Variants in ST7 observed in about 807,000 individuals in gnomAD.
ST7 encodes the protein suppressor of tumorigenicity 7 protein.
In ST7, 28 loss-of-function variants were observed where a neutral mutation model predicts 78.7. The observed-to-expected ratio is 0.36, with a 90% CI of 0.26 to 0.49. ST7 has a LOEUF of 0.49. Among genes scored for constraint, ST7 ranks in the 20% least tolerant of loss-of-function variants. The pLI is 0.99. For synonymous variants in ST7, 247 were observed against 249.6 expected, an observed-to-expected ratio of 0.99 and a Z score of 0.10; for missense variants, 418 against 696.0, an observed-to-expected ratio of 0.60 and a Z score of 4.49.
chr7:117,016,027 C>T (rs956968056), intron 1 of ST7, among the ~76,000 whole-genome samples: 1 of 152,094 alleles, frequency 6.6e-6, no homozygotes, highest in African/African-American at 2.4e-5. Context: ...TGAAATTGCT[C>T]ATTTAAAATA....
intron 1 of ST7, chr7:117,073,806 A>G (rs1015330855): frequency 6.6e-6 from 1 of 152,234 alleles, no homozygotes; most frequent in East Asian, 1.9e-4. Context: ...CAAATACACA[A>G]ATAAAATACA....
rs551978012 is a variant in ST7 at position 117,213,143 on chromosome 7, A to C, written c.1405+3206A>C. On this transcript the variant is annotated intron_variant, in intron 13 of 15. Transcript: ENST00000323984. ...CCTCTCAGGTCCGCTGGCCATGCAT[A>C]GGAAGCCTGTGCAGGAGCAAAGGAG... Among the ~76,000 whole-genome samples the C allele has an allele frequency of 3.7e-4, 57 of 152,356 alleles. 1 individual carries two copies. In the South Asian group the frequency reaches 0.012, roughly 31 times the overall value.
chr7:117,130,717 AT>A, intron 5 of ST7, 111 bp downstream of exon 5: 1 of 667,820 alleles, frequency 1.5e-6, no homozygotes, highest in Non-Finnish European at 2.4e-6. Context: ...AAAATATTAA[AT>A]TGTTGATTGA....
At chr7:117,159,928 G>A (rs1022997304) in intron 9 of ST7, among the ~76,000 whole-genome samples, 26 of 151,612 alleles carry the variant, frequency 1.7e-4, no homozygotes, top group Non-Finnish European at 3.7e-4. Context: ...CAAGCCAGGC[G>A]CGGTAGCTCA....
intron 1 of ST7, among the ~76,000 whole-genome samples, chr7:117,074,248 A>C (rs1287567599): frequency 6.6e-6 from 1 of 152,070 alleles, no homozygotes; most frequent in Non-Finnish European, 1.5e-5. Context: ...AAAATTAGCC[A>C]GGTGTGGTGG....
At chr7:117,166,685 C>T (rs1395204960) in intron 9 of ST7, among the ~76,000 whole-genome samples, 1 of 151,780 alleles carries the variant, frequency 6.6e-6, no homozygotes, top group Non-Finnish European at 1.5e-5. Flanking sequence ...GTCAGGAGAT[C>T]GAGACCATCC....
rs539966154 is a variant in ST7, at chr7:117,171,101, C to A, written c.1078+125C>A. 5.3e-5 allele frequency: 26 copies of A among 488,694 alleles called. 1 individual carries two copies. In the South Asian group the frequency reaches 1.1e-3, roughly 21 times the overall value. The allele number at this position is 488,694 out of a possible 1,614,324, so 30.3% of individuals were successfully genotyped here. The stretch of plus-strand genomic sequence containing the variant: ...TAGCCATACTCTTATAGAATTTTCA[C>A]CTACAGTTTTATGATGGTGTTTGGT... On this transcript the variant is annotated intron_variant, in intron 10 of 15. Coordinates refer to ENST00000323984, the MANE Select transcript of ST7 (RefSeq NM_001369598.1).
intron 9 of ST7, among the ~76,000 whole-genome samples, chr7:117,157,467 A>C (rs542564337): frequency 3.4e-4 from 52 of 151,976 alleles, no homozygotes; most frequent in Non-Finnish European, 6.8e-4. Flanking sequence ...GATGAATGTC[A>C]GAGGTTGGAG....
chr7:117,058,554 A>G (rs1798184485), intron 1 of ST7, among the ~76,000 whole-genome samples: 1 of 152,214 alleles, frequency 6.6e-6, no homozygotes, highest in African/African-American at 2.4e-5. Flanking sequence ...CATAATTCTT[A>G]AGAGGAAGCC....
At chr7:117,066,307 G>A (rs1449615737) in intron 1 of ST7, among the ~76,000 whole-genome samples, 1 of 152,116 alleles carries the variant, frequency 6.6e-6, no homozygotes, top group Non-Finnish European at 1.5e-5. Context: ...ATAAACTCTG[G>A]GAAATAGACC....
chr7:117,130,090 A>T (rs182176081), intron 4 of ST7, among the ~76,000 whole-genome samples: 3 of 151,936 alleles, frequency 2.0e-5, no homozygotes. Context: ...TCTTTTCAAT[A>T]TATACTATAC....
chr7:117,125,764 TA>T (rs1439760613), intron 3 of ST7, among the ~76,000 whole-genome samples: 4 of 152,086 alleles, frequency 2.6e-5, no homozygotes, highest in African/African-American at 9.7e-5. Context: ...CTAAAGTGTT[TA>T]AAAGTGTTAA....
At chr7:117,159,551 G>T (rs536143706) in intron 9 of ST7, among the ~76,000 whole-genome samples, 1 of 152,200 alleles carries the variant, frequency 6.6e-6, no homozygotes, top group Non-Finnish European at 1.5e-5. Context: ...GATTTATTTA[G>T]AATGACTTAG....
chr7:117,164,958 G>A (rs1183948051), intron 9 of ST7, among the ~76,000 whole-genome samples: 1 of 152,098 alleles, frequency 6.6e-6, no homozygotes, highest in African/African-American at 2.4e-5. Flanking sequence ...ACTTTAGGAG[G>A]TGGCATTTGA....
At chr7:117,165,560 AAAG>A (rs1480798995) in intron 9 of ST7, among the ~76,000 whole-genome samples, 2 of 152,184 alleles carry the variant, frequency 1.3e-5, no homozygotes, top group Admixed American at 6.5e-5. Context: ...AAGCCTTTAA[AAAG>A]TATTCCAGTC....
chr7:116,993,726 A>T (rs1043163722), intron 1 of ST7, among the ~76,000 whole-genome samples: 1 of 152,270 alleles, frequency 6.6e-6, no homozygotes, highest in African/African-American at 2.4e-5. Flanking sequence ...AATAGATACC[A>T]GAGCTAGGGG....
chr7:117,097,908 A>ATATATATATTTTT, intron 1 of ST7, among the ~76,000 whole-genome samples: 20 of 30,010 alleles, frequency 6.7e-4, no homozygotes, highest in African/African-American at 3.2e-3. Flanking sequence ...ATATATATAT[A>ATATATATATTTTT]TTTTTTTTTT....
intron 2 of ST7, among the ~76,000 whole-genome samples, chr7:117,102,867 G>A (rs1372082872): frequency 2.0e-5 from 3 of 151,956 alleles, no homozygotes; most frequent in Non-Finnish European, 4.4e-5. Context: ...ACTGATAAAC[G>A]AATTCAATAA....
intron 1 of ST7, among the ~76,000 whole-genome samples, chr7:117,030,369 A>G (rs934961001): frequency 2.0e-5 from 3 of 152,186 alleles, no homozygotes; most frequent in African/African-American, 7.2e-5. Context: ...ATTTGGAGGA[A>G]TTATTTGCAC....
Sources: gnomAD v4.1 joint callset for allele counts (sites outside exome capture counted in the v4.1 genomes callset) on GRCh38, gnomAD v4.1.1 for gene constraint, MANE v1.5 for transcripts, NCBI Gene and HGNC (gene_info 2026-07-23, HGNC 2026-07-21) for gene names.